Variants in FBXW7 observed in about 807,000 individuals in gnomAD.
The protein encoded by FBXW7 is F-box/WD repeat-containing protein 7.
Under a neutral mutation model 86.3 loss-of-function variants are expected in FBXW7, and 11 were observed. That is an observed-to-expected ratio of 0.13 (90% CI 0.08 to 0.21). The LOEUF is 0.21. FBXW7 is among the 10% of genes least tolerant of loss of function. The pLI is 1.00. For missense variants in FBXW7, 488 were observed against 847.4 expected, an observed-to-expected ratio of 0.58 and a Z score of 5.27; for synonymous variants, 313 against 297.9, an observed-to-expected ratio of 1.05 and a Z score of -0.52.
rs1378531757 is a variant in FBXW7, at chr4:152,411,661, T to C, written c.143A>G (p.Gln48Arg). The change falls in exon 4 of 14, where the codon CAA becomes CGA. Residue 48 changes from glutamine to arginine, a missense_variant. Gln to Arg is a conservative substitution (Grantham distance 43). Coordinates refer to ENST00000281708, the MANE Select transcript of FBXW7 (RefSeq NM_001349798.2). ...EEEQQQQLRQ[Q>R]EEEHTARNGE... The stretch of plus-strand genomic sequence containing the variant: ...ATTCCTTGCAGTGTGCTCCTCCTCT[T>C]GTTGTCTGAGTTGCTGTTGCTGTTC... 1 of 1,614,004 alleles carries C rather than the reference T, an allele frequency of 6.2e-7. No homozygotes were observed. Among genetic ancestry groups the C allele is most frequent in the Non-Finnish European group, 8.5e-7 (1 of 1,179,910 alleles).
At chr4:152,325,576 G>A (rs772519775) in intron 12 of FBXW7, 3 of 168,744 alleles carry the variant, frequency 1.8e-5, no homozygotes, top group Non-Finnish European at 3.9e-5. Flanking sequence ...ATGCAGAAAG[G>A]ATCTATTTCC....
At chr4:152,514,889 G>C (rs972728444) in intron 2 of FBXW7, among the ~76,000 whole-genome samples, 5 of 152,068 alleles carry the variant, frequency 3.3e-5, no homozygotes, top group African/African-American at 7.3e-5. Flanking sequence ...CTAGGACGGG[G>C]GTATGTGACA....
chr4:152,536,004 GGCGGCGGCGGCAGCGGCA>G lies in FBXW7; in HGVS notation c.-1108_-1091del. 4.5e-6 allele frequency: 1 copy of G among 223,614 alleles called. No homozygotes were observed. The highest frequency in any genetic ancestry group is 6.2e-5 in the Admixed American group (1 of 16,234). 13.9% of individuals were successfully genotyped at this position (223,614 alleles called of 1,614,324 possible). On this transcript the variant is annotated 5_prime_UTR_variant, in exon 1 of 14. Transcript: ENST00000281708. ...CTCCTTCGCTCTCAGTCTCAGCGGC[GGCGGCGGCGGCAGCGGCA>G]GCGGCAGCGCCCGGAGCTCAGCTCG...
At chr4:152,346,726 G>T in intron 6 of FBXW7, 1 of 569,360 alleles carries the variant, frequency 1.8e-6, no homozygotes, top group Non-Finnish European at 2.9e-6. Context: ...CTGTCTCTAT[G>T]GATTTGCCTA....
chr4:152,358,725 T>C (rs1732636045), intron 4 of FBXW7, among the ~76,000 whole-genome samples: 1 of 152,178 alleles, frequency 6.6e-6, no homozygotes, highest in South Asian at 2.1e-4. Flanking sequence ...TTTCTCTTTT[T>C]ATAAAACAGT....
chr4:152,468,590 G>A (rs1743663422), intron 2 of FBXW7, among the ~76,000 whole-genome samples: 2 of 152,122 alleles, frequency 1.3e-5, no homozygotes, highest in South Asian at 4.1e-4. Context: ...GTTGCCTAGG[G>A]CTGGGTGATA....
chr4:152,390,361 A>G lies in FBXW7; in HGVS notation c.501+20942T>C, dbSNP rs533444772. 2.8e-4 allele frequency among the ~76,000 whole-genome samples: 42 copies of G among 152,246 alleles called. No individual in the cohort carries two copies. In the South Asian group the frequency reaches 5.4e-3, roughly 20 times the overall value. On this transcript the variant is annotated intron_variant, in intron 4 of 13. Coordinates refer to ENST00000281708, the MANE Select transcript of FBXW7 (RefSeq NM_001349798.2). ...AGAAATGCCCAGTATGAAGTCTTCA[A>G]TGACTTAACATAACCTGTCTCATGA...
At chr4:152,435,924 T>C (rs925567906) in intron 2 of FBXW7, among the ~76,000 whole-genome samples, 20 of 152,210 alleles carry the variant, frequency 1.3e-4, no homozygotes, top group Non-Finnish European at 1.0e-4. Flanking sequence ...TTCATGTTAC[T>C]ACTGTAATTG....
intron 12 of FBXW7, 26 bp downstream of exon 12, chr4:152,325,980 T>C (rs759412025): frequency 6.3e-7 from 1 of 1,583,146 alleles, no homozygotes; most frequent in Non-Finnish European, 8.7e-7. Flanking sequence ...CAGGAGAGCA[T>C]TTAAGGGAGA....
chr4:152,336,838 T>C (rs1415011300), intron 7 of FBXW7, among the ~76,000 whole-genome samples: 5 of 152,032 alleles, frequency 3.3e-5, no homozygotes, highest in African/African-American at 7.2e-5. Flanking sequence ...GCAATTCTAA[T>C]TGGGACTATC....
chr4:152,446,036 C>T (rs1043610846), intron 2 of FBXW7, among the ~76,000 whole-genome samples: 14 of 151,750 alleles, frequency 9.2e-5, no homozygotes, highest in East Asian at 7.7e-4. Context: ...GACTGCACAG[C>T]GCTTATCTAA....
At chr4:152,471,375 A>C (rs1743940657) in intron 2 of FBXW7, among the ~76,000 whole-genome samples, 1 of 143,070 alleles carries the variant, frequency 7.0e-6, no homozygotes, top group Non-Finnish European at 1.5e-5. Context: ...GAAGGAGGGA[A>C]GGAAGGAGAG....
At chr4:152,422,708 T>G (rs71618402) in intron 2 of FBXW7, among the ~76,000 whole-genome samples, 6 of 152,164 alleles carry the variant, frequency 3.9e-5, no homozygotes, top group South Asian at 2.1e-4. Flanking sequence ...ACACAGCAAT[T>G]TGCCAGCGAG....
intron 2 of FBXW7, among the ~76,000 whole-genome samples, chr4:152,529,609 A>C (rs983682800): frequency 6.6e-6 from 1 of 152,220 alleles, no homozygotes; most frequent in African/African-American, 2.4e-5. Context: ...ACTGTAATGT[A>C]AAATTGCACA....
At chr4:152,421,502 A>T (rs543641223) in intron 2 of FBXW7, among the ~76,000 whole-genome samples, 3 of 152,162 alleles carry the variant, frequency 2.0e-5, no homozygotes, top group African/African-American at 7.2e-5. Flanking sequence ...GTTCAAGAAC[A>T]GCCTGATCAA....
In FBXW7 at chr4:152,457,870, A is replaced by G. The variant is rs992036287; in HGVS notation, c.-119-45341T>C. ...AAGAAAGATTTCTGGATAGAAGGTA[A>G]GAAAAAGGGTAGTGGTACTCAGTTT... On this transcript the variant is annotated intron_variant, in intron 2 of 13. Transcript: ENST00000281708. 3.3e-5 allele frequency among the ~76,000 whole-genome samples: 5 copies of G among 151,984 alleles called. No individual in the cohort carries two copies. The South Asian group carries it at 1.0e-3, about 32-fold the overall frequency.
intron 4 of FBXW7, among the ~76,000 whole-genome samples, chr4:152,355,758 G>A (rs1459946772): frequency 6.6e-6 from 1 of 152,080 alleles, no homozygotes; most frequent in Non-Finnish European, 1.5e-5. Flanking sequence ...TGTGCTAGGT[G>A]TAGAAGTGGA....
At chr4:152,418,375 G>A (rs1036157359) in intron 2 of FBXW7, among the ~76,000 whole-genome samples, 7 of 152,128 alleles carry the variant, frequency 4.6e-5, no homozygotes, top group African/African-American at 2.4e-5. Context: ...GGATGTAAAA[G>A]GAAAATGAGC....
chr4:152,460,460 G>A (rs1742839031), intron 2 of FBXW7, among the ~76,000 whole-genome samples: 1 of 152,180 alleles, frequency 6.6e-6, no homozygotes, highest in African/African-American at 2.4e-5. Context: ...CTTGCCATCT[G>A]GTGCCATTTC....
Sources: gnomAD v4.1 joint callset for allele counts (sites outside exome capture counted in the v4.1 genomes callset) on GRCh38, gnomAD v4.1.1 for gene constraint, MANE v1.5 for transcripts, NCBI Gene and HGNC (gene_info 2026-07-23, HGNC 2026-07-21) for gene names.